PARP16: variants seen among roughly 807,000 people sequenced by gnomAD.
PARP16 encodes the protein poly(ADP-ribose) polymerase family member 16.
In PARP16, 31 loss-of-function variants were observed where a neutral mutation model predicts 35.0. The ratio of observed to expected loss-of-function variants is 0.88; its 90% confidence interval spans 0.66 to 1.19. PARP16 has a LOEUF of 1.19. Among genes scored for constraint, PARP16 ranks in the 50% most tolerant of loss-of-function variants. The probability of loss-of-function intolerance (pLI) is 0.00; values close to 1 mark genes in which losing one functional copy is unlikely to be tolerated. For synonymous variants in PARP16, 162 were observed against 169.5 expected, an observed-to-expected ratio of 0.96 and a Z score of 0.34; for missense variants, 424 against 411.2, an observed-to-expected ratio of 1.03 and a Z score of -0.27.
intron 3 of PARP16, among the ~76,000 whole-genome samples, chr15:65,239,412 C>A (rs1457164728): frequency 4.0e-5 from 2 of 49,750 alleles, no homozygotes; most frequent in South Asian, 7.8e-4. Context: ...GGCAACAGAG[C>A]AAGACTTTGC....
At chr15:65,281,956 G>A (rs765702929) in intron 1 of PARP16, among the ~76,000 whole-genome samples, 20 of 152,134 alleles carry the variant, frequency 1.3e-4, no homozygotes, top group Non-Finnish European at 2.2e-4. Flanking sequence ...AGATTTAAAT[G>A]ACTGAAAATG....
rs756523300 is a variant in PARP16, at chr15:65,271,024, A to G, written c.223T>C (p.Ser75Pro). The G allele has an allele frequency of 6.2e-7, 1 of 1,613,634 alleles. No homozygotes were observed. Among genetic ancestry groups the G allele is most frequent in the Admixed American group, 1.7e-5 (1 of 60,018 alleles). ...CAGGCCCGTTTGTGGTTGTCTCCGG[A>G]GGACTGGAGAAGTTCTTTCAGGTTA... ...LPNLKELLQS[S>P]GDNHKRAWDL... is the part of the protein sequence containing the mutation. Residue 75 changes from serine (S) to proline (P), a missense_variant, in exon 2 of 6, where the codon TCC becomes CCC. Physicochemically the swap from Ser to Pro is moderately conservative, Grantham distance 74. Coordinates refer to ENST00000649807, the MANE Select transcript of PARP16 (RefSeq NM_001316943.2).
chr15:65,264,247 C>G (rs1344782641), intron 3 of PARP16, among the ~76,000 whole-genome samples: 1 of 152,128 alleles, frequency 6.6e-6, no homozygotes, highest in Non-Finnish European at 1.5e-5. Flanking sequence ...GGTAGATGAC[C>G]AATAACAAAC....
rs78898831 is a variant in PARP16, at chr15:65,278,055, G to A, written c.175-6983C>T. On this transcript the variant is annotated intron_variant, in intron 1 of 5. Transcript: ENST00000649807. Reference sequence around the variant, plus strand: ...ATGGGGAGGGTTTCCCACTCCAGGTGGGAAAGAGCACGGCAGATGGGCAGA... The same window carrying A: ...ATGGGGAGGGTTTCCCACTCCAGGTAGGAAAGAGCACGGCAGATGGGCAGA... 1.1e-3 allele frequency among the ~76,000 whole-genome samples: 162 copies of A among 152,334 alleles called. 2 individuals are homozygous for A. The East Asian group carries it at 0.029, about 27-fold the overall frequency.
chr15:65,268,307 G>A (rs2089973177), intron 2 of PARP16, among the ~76,000 whole-genome samples: 1 of 152,142 alleles, frequency 6.6e-6, no homozygotes, highest in South Asian at 2.1e-4. Context: ...TAGAGTATGA[G>A]CCTCACAGAG....
At chr15:65,280,145 G>T (rs1217542983) in intron 1 of PARP16, among the ~76,000 whole-genome samples, 2 of 151,916 alleles carry the variant, frequency 1.3e-5, no homozygotes, top group African/African-American at 2.4e-5. Context: ...CCTTAGAAAG[G>T]TTAGCCATGA....
intron 2 of PARP16, among the ~76,000 whole-genome samples, chr15:65,249,059 G>A (rs2089287902): frequency 6.6e-6 from 1 of 152,186 alleles, no homozygotes; most frequent in South Asian, 2.1e-4. Flanking sequence ...TCAGCCACCA[G>A]CCTGATCTTC....
chr15:65,234,242 C>T (rs2088822803), downstream of PARP16, among the ~76,000 whole-genome samples: 1 of 152,186 alleles, frequency 6.6e-6, no homozygotes, highest in East Asian at 1.9e-4. Context: ...GCCTCCAAAG[C>T]ACTGAGATTA....
chr15:65,280,436 CAAAAAAA>C (rs11450302), intron 1 of PARP16, among the ~76,000 whole-genome samples: 1 of 60,906 alleles, frequency 1.6e-5, no homozygotes, highest in Non-Finnish European at 3.6e-5. Flanking sequence ...GAACTCGTCT[CAAAAAAA>C]AAAAAAAAAA....
At chr15:65,256,552 C>T (rs1358887089), downstream of PARP16, among the ~76,000 whole-genome samples, 9 of 151,876 alleles carry the variant, frequency 5.9e-5, no homozygotes, top group Admixed American at 2.0e-4. Flanking sequence ...GGACTACAGG[C>T]GCCCGCAACC....
chr15:65,242,749 C>T (rs1019420074), intron 3 of PARP16, among the ~76,000 whole-genome samples: 1 of 152,074 alleles, frequency 6.6e-6, no homozygotes, highest in African/African-American at 2.4e-5. Flanking sequence ...GAGTCCTGCT[C>T]GGCTGGCCAG....
intron 3 of PARP16, among the ~76,000 whole-genome samples, chr15:65,239,478 A>G (rs2088987986): frequency 1.4e-5 from 2 of 146,762 alleles, no homozygotes; most frequent in Admixed American, 1.3e-4. Context: ...AAAAAAGAAA[A>G]GAAAGAAAAA....
chr15:65,262,974 T>G (rs909800154), intron 4 of PARP16, among the ~76,000 whole-genome samples, 175 bp downstream of exon 4: 1 of 151,970 alleles, frequency 6.6e-6, no homozygotes, highest in African/African-American at 2.4e-5. Flanking sequence ...CTCCATTGAG[T>G]GTTCAATCTC....
downstream of PARP16, among the ~76,000 whole-genome samples, chr15:65,254,998 G>A (rs966225933): frequency 8.5e-5 from 13 of 152,168 alleles, no homozygotes; most frequent in African/African-American, 3.1e-4. Context: ...ACCTGTGAGA[G>A]GTCCCCCCTT....
downstream of PARP16, among the ~76,000 whole-genome samples, chr15:65,256,337 G>A (rs149287374): frequency 6.0e-5 from 9 of 151,082 alleles, no homozygotes; most frequent in African/African-American, 2.2e-4. Flanking sequence ...CAGCTAGAGT[G>A]ATTTTTCTAA....
chr15:65,269,683 A>AT (rs1298855169), intron 2 of PARP16, among the ~76,000 whole-genome samples: 6 of 152,182 alleles, frequency 3.9e-5, no homozygotes, highest in Non-Finnish European at 5.9e-5. Flanking sequence ...TAGTACTATA[A>AT]TATCCTTTTA....
Position 65,270,945 on chromosome 15 carries a change from C to T in PARP16, c.302G>A (p.Gly101Glu). Reference protein sequence around the residue: ...SSKVLTIHSAGKAEFEKIQKL... With the variant: ...SSKVLTIHSAEKAEFEKIQKL... ...GGACCAAAGTCTCACCTCTGCCTTC[C>T]CTGCACTGTGGATTGTCAGGACCTT... The change falls in exon 2 of 6, where the codon GGG becomes GAG. Residue 101 changes from glycine (G) to glutamate (E), a missense_variant. By Grantham distance (98) the Gly-to-Glu change is moderately conservative. Coordinates refer to ENST00000649807, the MANE Select transcript of PARP16 (RefSeq NM_001316943.2). 6.2e-7 allele frequency: 1 copy of T among 1,614,176 alleles called. No homozygotes were observed.
intron 2 of PARP16, among the ~76,000 whole-genome samples, chr15:65,252,503 C>T (rs928151275): frequency 1.1e-4 from 16 of 152,160 alleles, no homozygotes; most frequent in African/African-American, 3.6e-4. Context: ...TGAGACTGGC[C>T]TTTCTGACCC....
exon 3 of PARP16, chr15:65,248,196 C>T (rs1296916117): frequency 2.2e-6 from 1 of 456,398 alleles, no homozygotes; most frequent in Non-Finnish European, 4.4e-6. Context: ...TGGCTTTACT[C>T]TGGCCACAGA....
Sources: gnomAD v4.1 joint callset for allele counts (sites outside exome capture counted in the v4.1 genomes callset) on GRCh38, gnomAD v4.1.1 for gene constraint, MANE v1.5 for transcripts, NCBI Gene and HGNC (gene_info 2026-07-23, HGNC 2026-07-21) for gene names.